Variants in ASTN2 observed in about 807,000 individuals in gnomAD.
The protein encoded by ASTN2 is astrotactin-2.
A neutral mutation model predicts 139.8 loss-of-function variants in ASTN2; 54 were observed. The observed-to-expected ratio is 0.39, with a 90% CI of 0.31 to 0.48. ASTN2 has a LOEUF of 0.48. Among genes scored for constraint, ASTN2 ranks in the 20% least tolerant of loss-of-function variants. The probability of loss-of-function intolerance (pLI) is 0.95; values close to 1 mark genes in which losing one functional copy is unlikely to be tolerated. For missense variants in ASTN2, 1,565 were observed against 1,725.1 expected (o/e 0.91, Z 1.64); for synonymous variants, 756 against 719.5 (o/e 1.05, Z -0.81).
intron 4 of ASTN2, among the ~76,000 whole-genome samples, chr9:117,116,280 T>A (rs2132800542): frequency 6.6e-6 from 1 of 152,230 alleles, no homozygotes; most frequent in South Asian, 2.1e-4. Flanking sequence ...CACACACAAG[T>A]GAAACAGAGA....
At chr9:116,516,735 T>G in intron 19 of ASTN2, among the ~76,000 whole-genome samples, 1 of 152,214 alleles carries the variant, frequency 6.6e-6, no homozygotes, top group East Asian at 1.9e-4. Context: ...CAGCCCTGGC[T>G]ACCAGCTTCC....
At position 116,440,773 on chromosome 9, in the gene ASTN2, G is replaced by A. The variant is rs1293483741; in HGVS notation, c.3618C>T (p.Tyr1206=). ...NKAEEIADKI[Y]NLYNGYTSGK... ...CACTTGTGTACCCATTGTACAGATT[G>A]TAGATCTTGTCAGCTATTTCTGAGA... Residue 1206 remains tyrosine (Y), a synonymous_variant, in exon 22 of 23, where the codon TAC becomes TAT. Transcript: ENST00000313400. The A allele has an allele frequency of 6.2e-7, 1 of 1,613,740 alleles. No individual in the cohort carries two copies. Among genetic ancestry groups the A allele is most frequent in the Non-Finnish European group, 8.5e-7 (1 of 1,179,720 alleles).
chr9:116,465,895 CA>C (rs1432087277), intron 20 of ASTN2, among the ~76,000 whole-genome samples: 1 of 152,126 alleles, frequency 6.6e-6, no homozygotes, highest in East Asian at 1.9e-4. Context: ...AGCTCTGAAG[CA>C]AATGTGACAG....
At chr9:117,141,282 G>C in intron 4 of ASTN2, 44 bp downstream of exon 4, 1 of 1,358,876 alleles carries the variant, frequency 7.4e-7, no homozygotes, top group South Asian at 1.1e-5. Flanking sequence ...GGAATCAGAG[G>C]ACAACCTTCT....
At chr9:117,166,278 G>A (rs750671123) in intron 3 of ASTN2, among the ~76,000 whole-genome samples, 5 of 152,036 alleles carry the variant, frequency 3.3e-5, no homozygotes, top group African/African-American at 4.8e-5. Flanking sequence ...AGGTCACAAA[G>A]GAGAGCCCAG....
chr9:116,602,587 C>A (rs1033023498), intron 19 of ASTN2, among the ~76,000 whole-genome samples: 3 of 152,080 alleles, frequency 2.0e-5, no homozygotes, highest in African/African-American at 4.8e-5. Flanking sequence ...TTATACTACT[C>A]CATCATTGTT....
intron 13 of ASTN2, among the ~76,000 whole-genome samples, chr9:116,765,480 T>C (rs748841100): frequency 2.6e-5 from 4 of 152,170 alleles, no homozygotes; most frequent in Admixed American, 6.5e-5. Flanking sequence ...TAAATATGCA[T>C]ATCTCTTGCC....
At chr9:117,381,619 CCT>C (rs1284055948) in intron 1 of ASTN2, among the ~76,000 whole-genome samples, 6 of 152,060 alleles carry the variant, frequency 3.9e-5, no homozygotes, top group African/African-American at 1.4e-4. Flanking sequence ...GCAAAAGCTC[CCT>C]GAGACCTCCC....
Position 116,425,658 on chromosome 9 carries a change from A to G in ASTN2, c.*193T>C, listed in dbSNP as rs756364363. 3.1e-6 allele frequency: 5 copies of G among 1,610,648 alleles called. No individual in the cohort carries two copies. The highest frequency in any genetic ancestry group is 3.4e-6 in the Non-Finnish European group (4 of 1,178,786). ...AAAAATAAAAGATAGAGAAAAATGA[A>G]TAATTCCATTGGTTACAAAGGTCTC... is the stretch of plus-strand genomic sequence containing the variant. On this transcript the variant is annotated 3_prime_UTR_variant, in exon 23 of 23. Transcript: ENST00000313400.
chr9:117,088,870 T>C (rs1013222423), intron 5 of ASTN2, among the ~76,000 whole-genome samples: 3 of 152,292 alleles, frequency 2.0e-5, no homozygotes, highest in African/African-American at 7.2e-5. Context: ...GGGAGGTTCA[T>C]GCTGGGTGCC....
intron 17 of ASTN2, among the ~76,000 whole-genome samples, chr9:116,632,227 A>G (rs1856823444): frequency 1.4e-5 from 2 of 138,852 alleles, no homozygotes; most frequent in Non-Finnish European, 3.1e-5. Context: ...GAAAGAAAGA[A>G]AGAAAGAAAG....
At chr9:117,261,018 G>A (rs1833810688) in intron 2 of ASTN2, among the ~76,000 whole-genome samples, 1 of 152,158 alleles carries the variant, frequency 6.6e-6, no homozygotes, top group Admixed American at 6.6e-5. Flanking sequence ...AAATTGTAAA[G>A]TGAAGACATT....
intron 7 of ASTN2, among the ~76,000 whole-genome samples, chr9:116,998,463 T>C (rs1476969158): frequency 6.6e-6 from 1 of 151,556 alleles, no homozygotes; most frequent in Non-Finnish European, 1.5e-5. Flanking sequence ...GTCAGCACCC[T>C]GAGAACTCTC....
At chr9:117,205,109 A>G (rs1185765380) in intron 3 of ASTN2, among the ~76,000 whole-genome samples, 2 of 152,222 alleles carry the variant, frequency 1.3e-5, no homozygotes, top group Admixed American at 1.3e-4. Flanking sequence ...AACATTTGAG[A>G]AGGCAAACAA....
chr9:116,529,097 C>A (rs1851215187), intron 19 of ASTN2, among the ~76,000 whole-genome samples: 1 of 152,150 alleles, frequency 6.6e-6, no homozygotes, highest in Non-Finnish European at 1.5e-5. Flanking sequence ...ATCCTCCAGA[C>A]CCCAGAATAG....
In ASTN2 at chr9:116,697,738, G is replaced by A. The variant is rs774975492; in HGVS notation, c.2806+28033C>T. On this transcript the variant is annotated intron_variant, in intron 16 of 22. Coordinates refer to ENST00000313400, the MANE Select transcript of ASTN2 (RefSeq NM_001365068.1). ...GTGCTAGCAATACCCTTCAAAGGAA[G>A]AGCAATGGCTGCAGCAGCAGCTTCT... 2.1e-5 allele frequency: 34 copies of A among 1,613,732 alleles called. No individual in the cohort carries two copies. In the East Asian group the frequency reaches 6.7e-4, roughly 32 times the overall value.
chr9:116,903,278 T>G lies in ASTN2; in HGVS notation c.1890-39545A>C, dbSNP rs112457775. The stretch of plus-strand genomic sequence containing the variant: ...CCTCGAATCTACTGTATAATTTACC[T>G]GTTTATCATGCTATTTTTTGTCTTC... On this transcript the variant is annotated intron_variant, in intron 10 of 22. Transcript: ENST00000313400. Among the ~76,000 whole-genome samples the G allele has an allele frequency of 7.2e-3, 1,103 of 152,348 alleles. 10 individuals are homozygous for G. The highest frequency in any genetic ancestry group is 0.025 in the African/African-American group (1,034 of 41,582).
At chr9:117,213,571 A>G (rs1356807273) in intron 3 of ASTN2, among the ~76,000 whole-genome samples, 1 of 152,194 alleles carries the variant, frequency 6.6e-6, no homozygotes. Context: ...ATGTACGAAC[A>G]TTATTTGTCA....
At chr9:117,089,665 T>G (rs1183657358) in intron 5 of ASTN2, among the ~76,000 whole-genome samples, 1 of 152,074 alleles carries the variant, frequency 6.6e-6, no homozygotes, top group Non-Finnish European at 1.5e-5. Context: ...TGTAGTCTTT[T>G]ATCCCTCGCC....
Sources: gnomAD v4.1 joint callset for allele counts (sites outside exome capture counted in the v4.1 genomes callset) on GRCh38, gnomAD v4.1.1 for gene constraint, MANE v1.5 for transcripts, NCBI Gene and HGNC (gene_info 2026-07-23, HGNC 2026-07-21) for gene names.